Variants in NPLOC4 observed in about 807,000 individuals in gnomAD.
The protein encoded by NPLOC4 is NPL4 homolog, ubiquitin recognition factor, also known as nuclear protein localization protein 4 homolog.
NPLOC4 carries 18 observed loss-of-function variants against 80.6 expected under a neutral mutation model. That is an observed-to-expected ratio of 0.22 (90% CI 0.15 to 0.33). NPLOC4 has a LOEUF of 0.33. NPLOC4 is among the 10% of genes least tolerant of loss of function. The pLI is 1.00. For synonymous variants in NPLOC4, 313 were observed against 301.5 expected (o/e 1.04, Z -0.39); for missense variants, 540 against 786.1 (o/e 0.69, Z 3.74).
chr17:81,613,511 CAG>C lies in NPLOC4; in HGVS notation c.210-19_210-18del, dbSNP rs752644430. The C allele has an allele frequency of 6.2e-7, 1 of 1,605,276 alleles. No individual in the cohort carries two copies. The highest frequency in any genetic ancestry group is 1.1e-5 in the South Asian group (1 of 89,640). On this transcript the variant is annotated intron_variant, in intron 3 of 16. Coordinates refer to ENST00000331134, the MANE Select transcript of NPLOC4 (RefSeq NM_017921.4). ...TCGCCATGCCTGTTCAAATGATAAA[CAG>C]AGGCTGATGCCTTCCCTTACCACCT...
At chr17:81,599,695 C>A (rs1238783889) in intron 9 of NPLOC4, among the ~76,000 whole-genome samples, 1 of 152,130 alleles carries the variant, frequency 6.6e-6, no homozygotes, top group African/African-American at 2.4e-5. Flanking sequence ...ATTCATGGCT[C>A]TACATTAATT....
intron 16 of NPLOC4, chr17:81,564,501 A>C (rs2033949936): frequency 6.6e-6 from 1 of 152,230 alleles, no homozygotes; most frequent in Admixed American, 6.5e-5. Context: ...TGTGAAAAGA[A>C]AACCTCGGCT....
At chr17:81,575,256 C>A (rs994662309) in intron 12 of NPLOC4, among the ~76,000 whole-genome samples, 1 of 152,154 alleles carries the variant, frequency 6.6e-6, no homozygotes, top group African/African-American at 2.4e-5. Flanking sequence ...CCCGCCACCA[C>A]GCCCGGCTAA....
At chr17:81,592,747 G>A (rs2034783516) in intron 11 of NPLOC4, among the ~76,000 whole-genome samples, 1 of 152,144 alleles carries the variant, frequency 6.6e-6, no homozygotes, top group African/African-American at 2.4e-5. Context: ...ACTTTTTGAG[G>A]CCGAGACAGG....
In NPLOC4 at chr17:81,629,751, C is replaced by G; in HGVS notation, c.70G>C (p.Glu24Gln). 2 of 1,613,876 alleles carry G rather than the reference C, an allele frequency of 1.2e-6. No homozygotes were observed. The highest frequency in any genetic ancestry group is 1.7e-6 in the Non-Finnish European group (2 of 1,179,794). The change falls in exon 2 of 17, where the codon GAA (glutamate) becomes CAA (glutamine). Residue 24 changes from glutamate (E) to glutamine (Q), a missense_variant. Glu to Gln is a conservative substitution (Grantham distance 29). Coordinates refer to ENST00000331134, the MANE Select transcript of NPLOC4 (RefSeq NM_017921.4). ...GVKRITATKR[E>Q]TAATFLKKVA... is the part of the protein sequence containing the mutation. ...TTTTTCAAAAATGTTGCTGCTGTTT[C>G]TCTCTTTGTTGCTGTGATCCGCTTC...
At chr17:81,561,726 CG>C (rs2033855451) in intron 16 of NPLOC4, 1 of 152,052 alleles carries the variant, frequency 6.6e-6, no homozygotes, top group Admixed American at 6.6e-5. Flanking sequence ...GGATTATAGG[CG>C]TGGACCACTC....
At chr17:81,626,615 A>T (rs2144318406) in intron 2 of NPLOC4, among the ~76,000 whole-genome samples, 1 of 152,198 alleles carries the variant, frequency 6.6e-6, no homozygotes, top group South Asian at 2.1e-4. Context: ...AGTGGGGAGG[A>T]TCACTTGAGG....
Position 81,559,081 on chromosome 17 carries a change from C to T in NPLOC4, c.*178G>A. 1 of 665,910 alleles carries T rather than the reference C, an allele frequency of 1.5e-6. No individual in the cohort carries two copies. Among genetic ancestry groups the T allele is most frequent in the Middle Eastern group, 4.2e-4 (1 of 2,372 alleles). The allele number at this position is 665,910 out of a possible 1,614,324, so 41.3% of individuals were successfully genotyped here. A position where few individuals can be genotyped will look rare whatever the true frequency, so the allele number is the denominator to read the frequency against. On this transcript the variant is annotated 3_prime_UTR_variant, in exon 17 of 17. Transcript: ENST00000331134. ...TGCAGAATACCAGCCGTGGCGCCCG[C>T]TCTCCAGGGAGGAACGTGCTGAGAA...
At chr17:81,595,126 T>G (rs1190682391) in intron 11 of NPLOC4, among the ~76,000 whole-genome samples, 2 of 152,022 alleles carry the variant, frequency 1.3e-5, no homozygotes, top group African/African-American at 4.8e-5. Context: ...AAACTCCCAG[T>G]CTCAAGGGAT....
chr17:81,575,302 C>T (rs1474402457), intron 12 of NPLOC4, among the ~76,000 whole-genome samples: 5 of 152,154 alleles, frequency 3.3e-5, no homozygotes, highest in Non-Finnish European at 4.4e-5. Context: ...GGGGTTTCAC[C>T]GTGTTAGCCA....
chr17:81,616,997 G>C (rs1005256624), intron 3 of NPLOC4, among the ~76,000 whole-genome samples: 1 of 152,192 alleles, frequency 6.6e-6, no homozygotes, highest in Non-Finnish European at 1.5e-5. Flanking sequence ...CAGGCAGCTA[G>C]ACCGCATGCC....
chr17:81,572,115 T>C lies in NPLOC4; in HGVS notation c.1282-27A>G. 2 of 1,535,430 alleles carry C rather than the reference T, an allele frequency of 1.3e-6. No homozygotes were observed. Among genetic ancestry groups the C allele is most frequent in the Non-Finnish European group, 1.8e-6 (2 of 1,120,492 alleles). ...TGCAATAGTCAGAGGGGAACAGCGG[T>C]GAGCAAAGACGATCAGTAGTAATGA... On this transcript the variant is annotated intron_variant, in intron 12 of 16. Transcript: ENST00000331134. This position sits in a 1 kb window ranked among gnomAD's most constrained non-coding sequence, Gnocchi z 4.5.
intron 3 of NPLOC4, among the ~76,000 whole-genome samples, chr17:81,618,556 G>A (rs796648278): frequency 1.2e-3 from 88 of 75,360 alleles, no homozygotes; most frequent in East Asian, 7.6e-3. Context: ...GCCCCCGCCC[G>A]GCCAGCCGCC....
chr17:81,564,256 G>T (rs1341293510), intron 16 of NPLOC4: 1 of 154,232 alleles, frequency 6.5e-6, no homozygotes, highest in Non-Finnish European at 1.4e-5. Context: ...TCTAAAATAA[G>T]TTAAAATTAT....
chr17:81,598,924 A>C (rs2034993211), intron 9 of NPLOC4, among the ~76,000 whole-genome samples: 3 of 152,216 alleles, frequency 2.0e-5, no homozygotes, highest in Admixed American at 6.5e-5. Context: ...GAGAAAATGA[A>C]ACTTAAAGGG....
At chr17:81,581,286 T>C (rs571034018) in intron 12 of NPLOC4, among the ~76,000 whole-genome samples, 5 of 140,126 alleles carry the variant, frequency 3.6e-5, no homozygotes, top group Admixed American at 7.8e-5. Context: ...GAGGCGGAGG[T>C]TGTAGTGAGC....
intron 5 of NPLOC4, 147 bp downstream of exon 5, chr17:81,610,063 G>A (rs1442567400): frequency 3.2e-6 from 2 of 625,442 alleles, no homozygotes; most frequent in Non-Finnish European, 2.9e-6. Context: ...TTGCACTAGG[G>A]GAATATGAGG....
chr17:81,630,715 C>T (rs2035906220), intron 1 of NPLOC4, among the ~76,000 whole-genome samples: 1 of 152,056 alleles, frequency 6.6e-6, no homozygotes, highest in African/African-American at 2.4e-5. Context: ...CCCATCTCTA[C>T]TAAAAATACA....
chr17:81,591,439 G>A (rs1284603226), intron 11 of NPLOC4, among the ~76,000 whole-genome samples: 2 of 26,088 alleles, frequency 7.7e-5, no homozygotes, highest in East Asian at 4.4e-4. Flanking sequence ...CATCTCTGGA[G>A]TAAAACAGAA....
Sources: allele counts gnomAD v4.1 joint callset (sites outside exome capture counted in the v4.1 genomes callset), GRCh38; gene constraint gnomAD v4.1.1; non-coding constraint Gnocchi (gnomAD v3.1); transcripts MANE v1.5; gene names NCBI Gene and HGNC (gene_info 2026-07-23, HGNC 2026-07-21).